Variants in DNAAF11 observed in about 807,000 individuals in gnomAD.
DNAAF11 encodes leucine rich repeat containing 6.
Under a neutral mutation model 60.8 loss-of-function variants are expected in DNAAF11, and 45 were observed. The ratio of observed to expected loss-of-function variants is 0.74; its 90% confidence interval spans 0.58 to 0.95. DNAAF11 has a LOEUF of 0.95. Among genes scored for constraint, DNAAF11 ranks in the 40% least tolerant of loss-of-function variants. The probability of loss-of-function intolerance (pLI) is 0.00; values close to 1 mark genes in which losing one functional copy is unlikely to be tolerated. For missense variants in DNAAF11, 546 were observed against 546.2 expected, an observed-to-expected ratio of 1.00 and a Z score of 0.00; for synonymous variants, 191 against 183.5, an observed-to-expected ratio of 1.04 and a Z score of -0.33.
intron 10 of DNAAF11, among the ~76,000 whole-genome samples, chr8:132,605,944 G>A (rs1466399746): frequency 1.3e-5 from 2 of 151,788 alleles, no homozygotes; most frequent in South Asian, 2.1e-4. Context: ...GGGACATAAT[G>A]GGGTCGGGGG....
intron 10 of DNAAF11, among the ~76,000 whole-genome samples, chr8:132,602,768 T>TAC (rs1554676862): frequency 4.1e-4 from 60 of 146,720 alleles, no homozygotes; most frequent in Middle Eastern, 3.7e-3. Context: ...TATATATATA[T>TAC]ACACACAGCA....
intron 10 of DNAAF11, among the ~76,000 whole-genome samples, chr8:132,595,074 T>C (rs974672760): frequency 9.2e-5 from 14 of 152,122 alleles, no homozygotes; most frequent in Admixed American, 6.5e-5. Context: ...TATGTGGAAC[T>C]GTGAGTCAAT....
At chr8:132,695,120 C>T in the DNAAF11 span, among the ~76,000 whole-genome samples, 19 of 151,994 alleles carry the variant, frequency 1.3e-4, no homozygotes, top group Admixed American at 5.2e-4. Flanking sequence ...CTTGCATGGA[C>T]GGTAGGAGTC....
chr8:132,583,995 C>G (rs1278868457), intron 10 of DNAAF11, among the ~76,000 whole-genome samples: 1 of 152,100 alleles, frequency 6.6e-6, no homozygotes, highest in Non-Finnish European at 1.5e-5. Flanking sequence ...CACAAGCTAT[C>G]TACAACTGCC....
intron 1 of DNAAF11, among the ~76,000 whole-genome samples, chr8:132,670,225 T>A (rs1233968015): frequency 6.6e-6 from 1 of 151,972 alleles, no homozygotes; most frequent in Non-Finnish European, 1.5e-5. Flanking sequence ...GCTGGCTCTT[T>A]AAGAAAATAA....
At position 132,657,005 on chromosome 8, in the gene DNAAF11, A is replaced by G. The variant is rs1823642322; in HGVS notation, c.179-98T>C. The G allele has an allele frequency of 8.0e-6, 4 of 502,732 alleles. No homozygotes were observed. The South Asian group carries it at 9.9e-5, about 12-fold the overall frequency. 31.1% of individuals were successfully genotyped at this position (502,732 alleles called of 1,614,324 possible). ...AAATAATAAAGAAAATCTAAAGATT[A>G]TTATTATGGTTATCAAAACCATGTC... On this transcript the variant is annotated intron_variant, in intron 2 of 11. Transcript: ENST00000620350.
At chr8:132,618,761 C>T (rs1375700428) in intron 7 of DNAAF11, among the ~76,000 whole-genome samples, 1 of 152,106 alleles carries the variant, frequency 6.6e-6, no homozygotes, top group Non-Finnish European at 1.5e-5. Context: ...CCATCTCACG[C>T]CAGTTAGAAT....
the DNAAF11 span, among the ~76,000 whole-genome samples, chr8:132,701,696 T>C: frequency 6.6e-6 from 1 of 152,244 alleles, no homozygotes; most frequent in Non-Finnish European, 1.5e-5. Flanking sequence ...AACTAACTTA[T>C]TGTGTGGCCA....
At chr8:132,598,568 AAAGTATAGCAC>A (rs1187303918) in intron 10 of DNAAF11, among the ~76,000 whole-genome samples, 1 of 152,242 alleles carries the variant, frequency 6.6e-6, no homozygotes, top group Non-Finnish European at 1.5e-5. Context: ...CTATTCATAA[AAAGTATAGCAC>A]AATATCTCCC....
chr8:132,683,830 CCCCT>C, the DNAAF11 span, among the ~76,000 whole-genome samples: 86,847 of 151,500 alleles, frequency 0.57, 27,317 homozygotes, highest in African/African-American at 0.85. Context: ...GCTCAAGTGA[CCCCT>C]CCCTCCTATT....
intron 1 of DNAAF11, among the ~76,000 whole-genome samples, chr8:132,674,596 A>C (rs978923337): frequency 6.6e-6 from 1 of 152,212 alleles, no homozygotes; most frequent in African/African-American, 2.4e-5. Flanking sequence ...TTCTTAAAGA[A>C]ACACGTTTAC....
chr8:132,604,019 T>C (rs1014575781), intron 10 of DNAAF11, among the ~76,000 whole-genome samples: 11 of 152,180 alleles, frequency 7.2e-5, no homozygotes, highest in African/African-American at 2.2e-4. Context: ...GTAGCCATTA[T>C]GGTTAAAGTT....
At chr8:132,643,133 G>T (rs1822024518) in intron 3 of DNAAF11, among the ~76,000 whole-genome samples, 1 of 152,178 alleles carries the variant, frequency 6.6e-6, no homozygotes. Context: ...AACCCTCTTG[G>T]CCCACTGCTC....
rs573400276 is a variant in DNAAF11, at chr8:132,620,470, G to T, written c.914+2141C>A. ...GTGTCCCAGCCTTCCGAGTGGCTGG[G>T]ATTACAGGTGTGTGCCACCATTCCT... is the stretch of plus-strand genomic sequence containing the variant. On this transcript the variant is annotated intron_variant, in intron 7 of 11. Transcript: ENST00000620350. 1.1e-4 allele frequency among the ~76,000 whole-genome samples: 16 copies of T among 152,240 alleles called. 1 individual carries two copies. In the South Asian group the frequency reaches 3.3e-3, roughly 32 times the overall value.
At chr8:132,573,341 T>C (rs7005754) in intron 11 of DNAAF11, among the ~76,000 whole-genome samples, 88,674 of 151,944 alleles carry the variant, frequency 0.58, 28,614 homozygotes, top group African/African-American at 0.88. Context: ...ATTCCAGGTG[T>C]TGTATAGGCA....
intron 5 of DNAAF11, among the ~76,000 whole-genome samples, chr8:132,627,305 G>C (rs1820373710): frequency 6.6e-6 from 1 of 152,082 alleles, no homozygotes; most frequent in African/African-American, 2.4e-5. Flanking sequence ...AAAAATAACA[G>C]TACTTAAGAA....
At chr8:132,670,992 A>G (rs1046033762) in intron 1 of DNAAF11, among the ~76,000 whole-genome samples, 1 of 152,206 alleles carries the variant, frequency 6.6e-6, no homozygotes, top group East Asian at 1.9e-4. Context: ...TATAATCAAC[A>G]TTATATCGAG....
chr8:132,634,795 A>G (rs1322661284), intron 4 of DNAAF11, among the ~76,000 whole-genome samples: 1 of 148,590 alleles, frequency 6.7e-6, no homozygotes, highest in African/African-American at 2.4e-5. Flanking sequence ...ATATATAAAT[A>G]TATATTAACA....
chr8:132,668,906 C>T (rs1342268933), intron 1 of DNAAF11, among the ~76,000 whole-genome samples: 1 of 152,206 alleles, frequency 6.6e-6, no homozygotes, highest in Non-Finnish European at 1.5e-5. Flanking sequence ...CCCTCTGCTG[C>T]CCACCTTCTT....
Sources: allele counts gnomAD v4.1 joint callset (sites outside exome capture counted in the v4.1 genomes callset), GRCh38; gene constraint gnomAD v4.1.1; transcripts MANE v1.5; gene names NCBI Gene and HGNC (gene_info 2026-07-23, HGNC 2026-07-21).